Variants in PTBP2 observed in about 807,000 individuals in gnomAD.
PTBP2 encodes the protein polypyrimidine tract-binding protein 2.
In PTBP2, 13 loss-of-function variants were observed where a neutral mutation model predicts 61.4. The observed-to-expected ratio is 0.21, with a 90% CI of 0.14 to 0.34. PTBP2 has a LOEUF of 0.34. PTBP2 is among the 10% of genes least tolerant of loss of function. The pLI, the probability that PTBP2 is intolerant of heterozygous loss-of-function variation, is 1.00. For synonymous variants in PTBP2, 215 were observed against 218.5 expected (o/e 0.98, Z 0.14); for missense variants, 405 against 642.6 (o/e 0.63, Z 4.00).
At chr1:96,793,745 G>C (rs1273622633) in intron 8 of PTBP2, among the ~76,000 whole-genome samples, 1 of 152,128 alleles carries the variant, frequency 6.6e-6, no homozygotes, top group Non-Finnish European at 1.5e-5. Context: ...GTGTCTTTTA[G>C]AGAGCTTATT....
chr1:96,810,566 C>T (rs1367447703), intron 11 of PTBP2, among the ~76,000 whole-genome samples: 2 of 152,124 alleles, frequency 1.3e-5, no homozygotes, highest in African/African-American at 2.4e-5. Context: ...CTCTATCACT[C>T]ATCTGTTCTG....
Position 96,770,729 on chromosome 1 carries a change from G to A in PTBP2, c.310G>A (p.Glu104Lys), listed in dbSNP as rs777662925. Reference sequence around the variant, plus strand: ...TCAGGCATTTTTGGAACTAGCAACCGAGGAAGCAGCTATTACTATGGTTAA... The same window carrying A: ...TCAGGCATTTTTGGAACTAGCAACCAAGGAAGCAGCTATTACTATGGTTAA... Reference protein sequence around the residue: ...KNQAFLELATEEAAITMVNYY... With the variant: ...KNQAFLELATKEAAITMVNYY... The change falls in exon 5 of 14, where the codon GAG (glutamate) becomes AAG (lysine). Residue 104 changes from glutamate (E) to lysine (K), a missense_variant. Coordinates refer to ENST00000674951, the MANE Select transcript of PTBP2 (RefSeq NM_021190.4). The A allele has an allele frequency of 5.0e-6, 8 of 1,611,602 alleles. No homozygotes were observed. The highest frequency in any genetic ancestry group is 4.4e-5 in the South Asian group (4 of 90,650).
At chr1:96,809,878 G>A (rs1298138881) in intron 11 of PTBP2, among the ~76,000 whole-genome samples, 1 of 152,050 alleles carries the variant, frequency 6.6e-6, no homozygotes, top group East Asian at 1.9e-4. Context: ...CAGGGAAGGA[G>A]ATATTAAAGA....
chr1:96,812,003 C>T (rs1275158000), intron 11 of PTBP2, among the ~76,000 whole-genome samples: 2 of 152,186 alleles, frequency 1.3e-5, no homozygotes, highest in African/African-American at 2.4e-5. Context: ...CTTCCCAAAT[C>T]TGAAATGTTC....
intron 9 of PTBP2, among the ~76,000 whole-genome samples, chr1:96,805,956 T>G (rs1661461549): frequency 6.6e-6 from 1 of 152,190 alleles, no homozygotes; most frequent in Non-Finnish European, 1.5e-5. Context: ...GATGACTACA[T>G]TTTACTCAGT....
At chr1:96,810,984 C>CTTA (rs575421786) in intron 11 of PTBP2, among the ~76,000 whole-genome samples, 227 of 151,694 alleles carry the variant, frequency 1.5e-3, no homozygotes, top group Non-Finnish European at 2.7e-3. Context: ...TTTTTCTGTG[C>CTTA]TTAGCCTTGG....
Position 96,774,973 on chromosome 1 carries a change from A to G in PTBP2, c.433-2612A>G, listed in dbSNP as rs142719952. Among the ~76,000 whole-genome samples the G allele has an allele frequency of 4.6e-3, 698 of 152,262 alleles. 3 individuals carry two copies. Among genetic ancestry groups the G allele is most frequent in the Non-Finnish European group, 6.8e-3 (460 of 68,026 alleles). Reference sequence around the variant, plus strand: ...TGCCATTATGTCACTGCTCTCATGCATGGAATATTGTGGGTTGGCCTGCCT... The same window carrying G: ...TGCCATTATGTCACTGCTCTCATGCGTGGAATATTGTGGGTTGGCCTGCCT... On this transcript the variant is annotated intron_variant, in intron 5 of 13. Coordinates refer to ENST00000674951, the MANE Select transcript of PTBP2 (RefSeq NM_021190.4).
chr1:96,742,571 A>T (rs977490126), intron 2 of PTBP2, among the ~76,000 whole-genome samples: 1 of 151,214 alleles, frequency 6.6e-6, no homozygotes, highest in Non-Finnish European at 1.5e-5. Flanking sequence ...TGTTGGGGGC[A>T]GTGGAGGGAT....
intron 2 of PTBP2, among the ~76,000 whole-genome samples, chr1:96,726,228 T>A (rs987445843): frequency 1.3e-5 from 2 of 151,740 alleles, no homozygotes; most frequent in Non-Finnish European, 2.9e-5. Context: ...ATAAACATCT[T>A]TATTTACGTG....
chr1:96,777,512 T>G, intron 5 of PTBP2, 73 bp from the exon 6 acceptor site: 1 of 1,317,760 alleles, frequency 7.6e-7, no homozygotes, highest in Non-Finnish European at 1.0e-6. Flanking sequence ...CAAAGTGAAC[T>G]AGTAGTGTAA....
At chr1:96,775,396 C>T (rs1657917062) in intron 5 of PTBP2, among the ~76,000 whole-genome samples, 1 of 152,102 alleles carries the variant, frequency 6.6e-6, no homozygotes, top group Non-Finnish European at 1.5e-5. Flanking sequence ...TCCAAATGTT[C>T]AACAGCAGCA....
intron 7 of PTBP2, among the ~76,000 whole-genome samples, chr1:96,780,459 T>A (rs1658531136): frequency 6.6e-6 from 1 of 152,038 alleles, no homozygotes; most frequent in Non-Finnish European, 1.5e-5. Flanking sequence ...TTAGCACTGT[T>A]GACCCAAATT....
chr1:96,724,030 A>G (rs1175373411), intron 2 of PTBP2, among the ~76,000 whole-genome samples: 1 of 152,208 alleles, frequency 6.6e-6, no homozygotes, highest in African/African-American at 2.4e-5. Context: ...GAAATGAATT[A>G]CACTGATCCT....
intron 3 of PTBP2, among the ~76,000 whole-genome samples, chr1:96,767,862 A>G (rs1656916489): frequency 2.0e-5 from 3 of 152,150 alleles, no homozygotes; most frequent in South Asian, 2.1e-4. Flanking sequence ...GTTTTTTCAT[A>G]TTTCTGGAGT....
At chr1:96,739,781 T>G (rs1461680484) in intron 2 of PTBP2, among the ~76,000 whole-genome samples, 1 of 151,380 alleles carries the variant, frequency 6.6e-6, no homozygotes, top group African/African-American at 2.4e-5. Flanking sequence ...GCCCGGCTAA[T>G]TTTTTGTATA....
At chr1:96,783,271 CTT>C (rs1163107744) in intron 7 of PTBP2, among the ~76,000 whole-genome samples, 2 of 152,020 alleles carry the variant, frequency 1.3e-5, no homozygotes, top group Non-Finnish European at 2.9e-5. Flanking sequence ...TTTCTTTCCT[CTT>C]TTGCCAACAG....
chr1:96,764,920 G>C (rs1185702849), intron 3 of PTBP2, among the ~76,000 whole-genome samples: 2 of 152,178 alleles, frequency 1.3e-5, no homozygotes, highest in East Asian at 3.9e-4. Context: ...ACAACTACTT[G>C]GAAATACAAG....
At chr1:96,778,197 A>G (rs981100018) in intron 7 of PTBP2, among the ~76,000 whole-genome samples, 7 of 149,962 alleles carry the variant, frequency 4.7e-5, no homozygotes, top group Non-Finnish European at 7.4e-5. Flanking sequence ...TTTAAGGACA[A>G]AAGTTTGTAC....
intron 2 of PTBP2, among the ~76,000 whole-genome samples, chr1:96,725,604 A>G (rs1650314324): frequency 6.6e-6 from 1 of 152,140 alleles, no homozygotes; most frequent in African/African-American, 2.4e-5. Flanking sequence ...AAAATTGCAA[A>G]TCGTTTTTAA....
Sources: allele counts gnomAD v4.1 joint callset (sites outside exome capture counted in the v4.1 genomes callset), GRCh38; gene constraint gnomAD v4.1.1; transcripts MANE v1.5; gene names NCBI Gene and HGNC (gene_info 2026-07-23, HGNC 2026-07-21).